The following GMDS variants were observed in gnomAD, a reference collection of about 807,000 sequenced individuals.
The protein encoded by GMDS is GDP-mannose 4,6-dehydratase.
A neutral mutation model predicts 49.9 loss-of-function variants in GMDS; 20 were observed. The ratio of observed to expected loss-of-function variants is 0.40; its 90% CI spans 0.28 to 0.58. The LOEUF (loss-of-function observed/expected upper bound fraction) is 0.58, where lower values mean the gene tolerates loss of function less well. Among genes scored for constraint, GMDS ranks in the 20% least tolerant of loss-of-function variants. The pLI is 0.42. For missense variants in GMDS, 362 were observed against 481.4 expected (o/e 0.75, Z 2.32); for synonymous variants, 177 against 178.6 (o/e 0.99, Z 0.07).
chr6:2,042,492 C>T (rs1279168128), intron 4 of GMDS, among the ~76,000 whole-genome samples: 1 of 152,142 alleles, frequency 6.6e-6, no homozygotes, highest in Admixed American at 6.5e-5. Flanking sequence ...AGGCTATACA[C>T]CTCTCTCCAA....
At chr6:1,845,727 C>T (rs140350211) in intron 7 of GMDS, among the ~76,000 whole-genome samples, 46 of 152,216 alleles carry the variant, frequency 3.0e-4, no homozygotes, top group South Asian at 1.9e-3. Context: ...TCATAAGGAG[C>T]GCATAACCTA....
At chr6:2,020,319 A>G (rs1394439672) in intron 4 of GMDS, among the ~76,000 whole-genome samples, 2 of 151,708 alleles carry the variant, frequency 1.3e-5, no homozygotes, top group Non-Finnish European at 2.9e-5. Context: ...AATAAATAAA[A>G]TAAATTAAAT....
intron 7 of GMDS, among the ~76,000 whole-genome samples, chr6:1,828,759 A>G (rs1017783617): frequency 5.3e-5 from 8 of 152,234 alleles, no homozygotes; most frequent in Non-Finnish European, 1.2e-4. Flanking sequence ...CATTACCACT[A>G]TACCTCTCCT....
chr6:2,176,263 T>C (rs1451448715), intron 1 of GMDS, among the ~76,000 whole-genome samples: 1 of 152,184 alleles, frequency 6.6e-6, no homozygotes, highest in Non-Finnish European at 1.5e-5. Flanking sequence ...CCCATTTTTC[T>C]TAAAAAAAAT....
At chr6:2,042,084 A>C (rs138811423) in intron 4 of GMDS, among the ~76,000 whole-genome samples, 1 of 152,324 alleles carries the variant, frequency 6.6e-6, no homozygotes, top group Non-Finnish European at 1.5e-5. Context: ...CCCTGAGATA[A>C]CTGTGGGAAA....
intron 7 of GMDS, among the ~76,000 whole-genome samples, chr6:1,835,299 G>A (rs940577347): frequency 2.6e-5 from 4 of 152,150 alleles, no homozygotes; most frequent in Non-Finnish European, 4.4e-5. Context: ...GCTGCAGGTC[G>A]GAACTCAGGG....
chr6:1,929,816 A>G (rs1039079616), intron 7 of GMDS, among the ~76,000 whole-genome samples: 1 of 152,240 alleles, frequency 6.6e-6, no homozygotes, highest in African/African-American at 2.4e-5. Flanking sequence ...GCACCATTCA[A>G]ACACTTTTTC....
intron 9 of GMDS, among the ~76,000 whole-genome samples, chr6:1,697,456 T>C (rs2113353816): frequency 6.6e-6 from 1 of 152,176 alleles, no homozygotes; most frequent in Middle Eastern, 3.4e-3. Flanking sequence ...AATCATAGAG[T>C]CTAGGCTGGT....
intron 7 of GMDS, among the ~76,000 whole-genome samples, chr6:1,838,203 A>C (rs1185230159): frequency 6.6e-6 from 1 of 152,170 alleles, no homozygotes; most frequent in African/African-American, 2.4e-5. Flanking sequence ...CAAATTTGCA[A>C]ACTAATTACT....
chr6:1,961,089 A>C, intron 4 of GMDS, 123 bp from the exon 5 acceptor site: 2 of 517,268 alleles, frequency 3.9e-6, no homozygotes, highest in Non-Finnish European at 6.8e-6. Context: ...ATTATTTTCT[A>C]ACAGCACAAT....
intron 1 of GMDS, among the ~76,000 whole-genome samples, chr6:2,206,590 CAT>C (rs1246587290): frequency 6.6e-6 from 1 of 152,208 alleles, no homozygotes; most frequent in African/African-American, 2.4e-5. Flanking sequence ...TGACCAACCT[CAT>C]ATTCATATAC....
chr6:1,650,741 A>AT (rs11428270), intron 9 of GMDS, among the ~76,000 whole-genome samples: 69,832 of 150,638 alleles, frequency 0.46, 16,222 homozygotes, highest in East Asian at 0.56. Flanking sequence ...TGCCTGGCTA[A>AT]TTTTTTTTTG....
chr6:1,955,385 G>A (rs2127286701), intron 6 of GMDS, among the ~76,000 whole-genome samples: 1 of 152,272 alleles, frequency 6.6e-6, no homozygotes, highest in South Asian at 2.1e-4. Context: ...GTTAATGTCT[G>A]TGAATATCAG....
At chr6:1,809,362 G>C (rs757194871) in intron 7 of GMDS, among the ~76,000 whole-genome samples, 21 of 152,122 alleles carry the variant, frequency 1.4e-4, no homozygotes, top group Non-Finnish European at 2.9e-4. Context: ...TGGTTCCCCA[G>C]GTTTAACAGA....
At chr6:1,903,884 T>C (rs1032185904) in intron 7 of GMDS, among the ~76,000 whole-genome samples, 1 of 152,198 alleles carries the variant, frequency 6.6e-6, no homozygotes, top group Admixed American at 6.5e-5. Context: ...GGCAGCTTGC[T>C]ACTCTCCTGA....
intron 8 of GMDS, among the ~76,000 whole-genome samples, chr6:1,731,494 G>A (rs1428689968): frequency 1.3e-5 from 2 of 152,260 alleles, no homozygotes; most frequent in African/African-American, 4.8e-5. Flanking sequence ...CTGGGAGTCA[G>A]AATGGCTCTT....
In GMDS at chr6:2,126,701, C is replaced by T. The variant is rs3778556; in HGVS notation, c.103-1970G>A. On this transcript the variant is annotated intron_variant, in intron 1 of 10. Coordinates refer to ENST00000380815, the MANE Select transcript of GMDS (RefSeq NM_001500.4). ...CCAGGCCGGAGTGCAGTGCTGTTAT[C>T]GTGGCTCACTGCAACCTCTGCCTCC... Among the ~76,000 whole-genome samples, 17 of 152,252 alleles carry T rather than the reference C, an allele frequency of 1.1e-4. No individual in the cohort carries two copies. In the East Asian group the frequency reaches 2.7e-3, roughly 24 times the overall value.
At chr6:1,815,396 G>A (rs1770614030) in intron 7 of GMDS, among the ~76,000 whole-genome samples, 1 of 152,126 alleles carries the variant, frequency 6.6e-6, no homozygotes. Context: ...AAATTTCAGT[G>A]CCTTCATTTT....
At chr6:1,858,735 C>T (rs1040596564) in intron 7 of GMDS, among the ~76,000 whole-genome samples, 4 of 151,934 alleles carry the variant, frequency 2.6e-5, no homozygotes, top group African/African-American at 7.3e-5. Context: ...TAAAGAGACA[C>T]TTTAACATTT....
Sources: allele counts gnomAD v4.1 joint callset (sites outside exome capture counted in the v4.1 genomes callset), GRCh38; gene constraint gnomAD v4.1.1; transcripts MANE v1.5; gene names NCBI Gene and HGNC (gene_info 2026-07-23, HGNC 2026-07-21).